The following CNTNAP5 variants were observed in gnomAD, a reference collection of about 807,000 sequenced individuals.
CNTNAP5 encodes contactin associated protein family member 5, also known as contactin-associated protein-like 5.
Under a neutral mutation model 150.2 loss-of-function variants are expected in CNTNAP5, and 72 were observed. The ratio of observed to expected loss-of-function variants is 0.48; its 90% CI spans 0.40 to 0.58. The LOEUF (loss-of-function observed/expected upper bound fraction) is 0.58. Among genes scored for constraint, CNTNAP5 ranks in the 20% least tolerant of loss-of-function variants. The probability of loss-of-function intolerance (pLI) is 0.00; values close to 1 mark genes in which losing one functional copy is unlikely to be tolerated. For missense variants in CNTNAP5, 1,636 were observed against 1,626.2 expected, an observed-to-expected ratio of 1.01 and a Z score of -0.10; for synonymous variants, 672 against 619.8, an observed-to-expected ratio of 1.08 and a Z score of -1.25.
At chr2:124,134,624 C>T (rs2104607228) in intron 1 of CNTNAP5, among the ~76,000 whole-genome samples, 1 of 152,252 alleles carries the variant, frequency 6.6e-6, no homozygotes, top group Admixed American at 6.5e-5. Context: ...GTGCATGGTC[C>T]TGGGGCCCAG....
At chr2:124,481,198 GT>G in intron 7 of CNTNAP5, among the ~76,000 whole-genome samples, 1 of 152,150 alleles carries the variant, frequency 6.6e-6, no homozygotes, top group Admixed American at 6.5e-5. Flanking sequence ...AAACAAACAA[GT>G]CCCTTGGGGC....
intron 14 of CNTNAP5, among the ~76,000 whole-genome samples, chr2:124,757,547 C>T (rs1301864239): frequency 1.3e-5 from 2 of 152,212 alleles, no homozygotes; most frequent in Non-Finnish European, 2.9e-5. Flanking sequence ...GCTTTGGCAT[C>T]TAAATCTGTG....
At chr2:124,837,723 C>T (rs1317512950) in intron 19 of CNTNAP5, among the ~76,000 whole-genome samples, 2 of 152,134 alleles carry the variant, frequency 1.3e-5, no homozygotes, top group East Asian at 1.9e-4. Flanking sequence ...TATATAAACA[C>T]GCTTCTCCTA....
rs184419544 is a variant in CNTNAP5, at chr2:124,748,936, C to T, written c.2234+1551C>T. On this transcript the variant is annotated intron_variant, in intron 14 of 23. Coordinates refer to ENST00000682447, the MANE Select transcript of CNTNAP5 (RefSeq NM_001367498.1). ...TGTGAGCCCCCACTTTATCCTGCAG[C>T]GAATTCTATCTCATTATTGCGGATG... 1.4e-4 allele frequency among the ~76,000 whole-genome samples: 22 copies of T among 152,242 alleles called. No individual in the cohort carries two copies. In the East Asian group the frequency reaches 2.7e-3, roughly 19 times the overall value.
At chr2:124,204,635 T>C (rs772107848) in intron 1 of CNTNAP5, among the ~76,000 whole-genome samples, 43 of 152,292 alleles carry the variant, frequency 2.8e-4, no homozygotes, top group Non-Finnish European at 4.1e-4. Context: ...ACAATCATGG[T>C]AGGAGGCAAA....
intron 1 of CNTNAP5, among the ~76,000 whole-genome samples, chr2:124,168,441 C>T (rs184889795): frequency 2.9e-4 from 44 of 152,294 alleles, no homozygotes; most frequent in East Asian, 2.1e-3. Flanking sequence ...AATGTCCCTT[C>T]ACCCAAATGA....
chr2:124,652,448 C>A (rs183850459), intron 13 of CNTNAP5, among the ~76,000 whole-genome samples: 1 of 152,188 alleles, frequency 6.6e-6, no homozygotes, highest in Non-Finnish European at 1.5e-5. Flanking sequence ...GACCTTTTCT[C>A]TCTTGTCAGC....
intron 3 of CNTNAP5, among the ~76,000 whole-genome samples, chr2:124,347,676 T>G (rs1689773777): frequency 6.6e-6 from 1 of 152,336 alleles, no homozygotes; most frequent in East Asian, 1.9e-4. Flanking sequence ...AATATGACAC[T>G]TTAGCAGCTA....
chr2:124,419,140 C>CAAAAAAAAAAAAAAAAAAAA lies in CNTNAP5; in HGVS notation c.529+1554_529+1573dup, dbSNP rs778863758. ...TGGGCGACAGAGCGAGACTCCTTCT[C>CAAAAAAAAAAAAAAAAAAAA]AAAAAAAAAAAAAAAAAAAAAAACA... On this transcript the variant is annotated intron_variant, in intron 4 of 23. Coordinates refer to ENST00000682447, the MANE Select transcript of CNTNAP5 (RefSeq NM_001367498.1). Among the ~76,000 whole-genome samples the CAAAAAAAAAAAAAAAAAAAA allele has an allele frequency of 1.9e-3, 54 of 28,896 alleles. 9 individuals are homozygous for CAAAAAAAAAAAAAAAAAAAA. The highest frequency in any genetic ancestry group is 2.8e-3 in the Non-Finnish European group (42 of 15,124). The allele number at this position is 28,896 out of a possible 152,430, so 19.0% of individuals were successfully genotyped here. A position where few individuals can be genotyped will look rare whatever the true frequency, so the allele number is the denominator to read the frequency against.
intron 1 of CNTNAP5, among the ~76,000 whole-genome samples, chr2:124,197,756 C>A (rs1000842381): frequency 1.3e-5 from 2 of 151,968 alleles, no homozygotes; most frequent in South Asian, 2.1e-4. Context: ...CTGAGGCGGG[C>A]GGATCACAAG....
intron 8 of CNTNAP5, among the ~76,000 whole-genome samples, chr2:124,520,325 C>T (rs1694822926): frequency 6.6e-6 from 1 of 152,192 alleles, no homozygotes; most frequent in African/African-American, 2.4e-5. Flanking sequence ...GAACTACCTT[C>T]ACCATAAATC....
At chr2:124,575,966 A>T (rs572772482) in intron 11 of CNTNAP5, among the ~76,000 whole-genome samples, 4 of 152,218 alleles carry the variant, frequency 2.6e-5, no homozygotes, top group South Asian at 4.2e-4. Context: ...TCCCATTTTT[A>T]ATTTGATGGA....
chr2:124,205,970 C>T (rs1424615721), intron 1 of CNTNAP5, among the ~76,000 whole-genome samples: 1 of 152,180 alleles, frequency 6.6e-6, no homozygotes, highest in Non-Finnish European at 1.5e-5. Flanking sequence ...TTAGTCCCTA[C>T]TCGGTGATTT....
chr2:124,480,319 C>T (rs2104839163), intron 7 of CNTNAP5, among the ~76,000 whole-genome samples: 1 of 152,294 alleles, frequency 6.6e-6, no homozygotes, highest in South Asian at 2.1e-4. Flanking sequence ...TTGGGTATAA[C>T]AGATGTATTG....
chr2:124,547,074 C>T (rs1489072578), intron 10 of CNTNAP5, among the ~76,000 whole-genome samples: 1 of 152,070 alleles, frequency 6.6e-6, no homozygotes, highest in Non-Finnish European at 1.5e-5. Context: ...CCACTACCTC[C>T]CCCACCCCCG....
chr2:124,577,714 A>G (rs1224430046), intron 11 of CNTNAP5, among the ~76,000 whole-genome samples: 1 of 152,172 alleles, frequency 6.6e-6, no homozygotes, highest in Non-Finnish European at 1.5e-5. Flanking sequence ...GCACCAAACA[A>G]GGAGAAGGAG....
At chr2:124,176,764 G>T (rs1466580109) in intron 1 of CNTNAP5, among the ~76,000 whole-genome samples, 32 of 151,664 alleles carry the variant, frequency 2.1e-4, no homozygotes, top group Non-Finnish European at 5.9e-5. Flanking sequence ...TGGGCATGGG[G>T]CAGAACTTTC....
At position 124,719,795 on chromosome 2, in the gene CNTNAP5, A is replaced by T. The variant is rs1354324713; in HGVS notation, c.2078-27434A>T. Among the ~76,000 whole-genome samples, 3 of 152,174 alleles carry T rather than the reference A, an allele frequency of 2.0e-5. No homozygotes were observed. The East Asian group carries it at 5.8e-4, about 29-fold the overall frequency. On this transcript the variant is annotated intron_variant, in intron 13 of 23. Transcript: ENST00000682447. ...AATTTTAAGACTTTTAATAAGGCCA[A>T]ATGCCTCTCGAGAAACTTTGCCTTA...
At chr2:124,655,355 T>C (rs1209898256) in intron 13 of CNTNAP5, among the ~76,000 whole-genome samples, 1 of 152,150 alleles carries the variant, frequency 6.6e-6, no homozygotes, top group Non-Finnish European at 1.5e-5. Context: ...TAGTATTCCA[T>C]GGTGTATATG....
Sources: allele counts gnomAD v4.1 joint callset (sites outside exome capture counted in the v4.1 genomes callset), GRCh38; gene constraint gnomAD v4.1.1; transcripts MANE v1.5; gene names NCBI Gene and HGNC (gene_info 2026-07-23, HGNC 2026-07-21).